The following RFC5 variants were observed in gnomAD, a reference collection of about 807,000 sequenced individuals.
RFC5 encodes replication factor C subunit 5.
In RFC5, 26 loss-of-function variants were observed where a neutral mutation model predicts 44.3. That is an observed-to-expected ratio of 0.59 (90% CI 0.43 to 0.81). The LOEUF (loss-of-function observed/expected upper bound fraction) is 0.81. RFC5 is among the 40% of genes least tolerant of loss of function. RFC5 has a pLI of 0.00. For synonymous variants in RFC5, 155 were observed against 155.2 expected (o/e 1.00, Z 0.01); for missense variants, 328 against 418.6 (o/e 0.78, Z 1.89).
chr12:118,022,653 T>C (rs1361174954), intron 5 of RFC5, among the ~76,000 whole-genome samples: 2 of 151,950 alleles, frequency 1.3e-5, no homozygotes, highest in South Asian at 2.1e-4. Flanking sequence ...TTAGTAGAGA[T>C]GGGGTTTCAC....
chr12:118,035,869 C>A, downstream of RFC5: 1 of 164,142 alleles, frequency 6.1e-6, no homozygotes, highest in Admixed American at 5.7e-5. Flanking sequence ...GGAAGACACT[C>A]AAAGCTACTT....
At chr12:118,033,259 C>T (rs1052926058), downstream of RFC5, 1 of 152,566 alleles carries the variant, frequency 6.6e-6, no homozygotes, top group East Asian at 1.9e-4. Flanking sequence ...AGTTAAACAG[C>T]AGAGACAGAT....
chr12:118,034,500 G>T, downstream of RFC5: 1 of 1,034,158 alleles, frequency 9.7e-7, no homozygotes, highest in Non-Finnish European at 1.4e-6. Flanking sequence ...GGAAATGGAT[G>T]TAAAATTGTG....
chr12:118,024,576 C>T, intron 5 of RFC5, among the ~76,000 whole-genome samples: 1 of 152,024 alleles, frequency 6.6e-6, no homozygotes, highest in South Asian at 2.1e-4. Flanking sequence ...CAGGCATGTG[C>T]CACCACACCT....
chr12:118,031,070 A>G (rs2031287052), intron 10 of RFC5, 112 bp from the exon 11 acceptor site: 3 of 687,370 alleles, frequency 4.4e-6, no homozygotes, highest in South Asian at 1.8e-5. Flanking sequence ...TGTTCTATCA[A>G]TTCCCATCCC....
the RFC5 span, among the ~76,000 whole-genome samples, chr12:118,040,427 T>C: frequency 6.6e-6 from 1 of 152,006 alleles, no homozygotes; most frequent in Non-Finnish European, 1.5e-5. Context: ...CCTGAGATGG[T>C]GGCAAGCTGC....
chr12:118,030,103 C>T (rs1357018764), intron 10 of RFC5, among the ~76,000 whole-genome samples: 1 of 152,136 alleles, frequency 6.6e-6, no homozygotes, highest in Non-Finnish European at 1.5e-5. Context: ...TGAAAATGCC[C>T]TTGTTATTTG....
intron 6 of RFC5, 175 bp downstream of exon 6, chr12:118,025,185 C>T (rs957086990): frequency 1.9e-6 from 1 of 516,428 alleles, no homozygotes; most frequent in Non-Finnish European, 3.4e-6. Context: ...GTCTCAAGGC[C>T]ATTCCTCATA....
intron 7 of RFC5, among the ~76,000 whole-genome samples, chr12:118,026,029 G>C (rs1205547850): frequency 6.6e-6 from 1 of 152,054 alleles, no homozygotes; most frequent in Admixed American, 6.6e-5. Context: ...TTTTAGTAGA[G>C]ATGGGGTTTC....
downstream of RFC5, chr12:118,035,970 A>AG (rs1566135464): frequency 5.3e-5 from 9 of 168,450 alleles, no homozygotes; most frequent in South Asian, 1.4e-3. Context: ...TGGGAGACTG[A>AG]GGCGGTGGAT....
chr12:118,025,786 T>C lies in RFC5; in HGVS notation c.621T>C (p.Thr207=), dbSNP rs372715527. The change falls in exon 7 of 11, where the codon ACT becomes ACC. Residue 207 remains threonine (T), a synonymous_variant. Coordinates refer to ENST00000454402, the MANE Select transcript of RFC5 (RefSeq NM_007370.7). The part of the protein sequence containing the change: ...ISEDGMKALV[T]LSSGDMRRAL... ...AAGATGGAATGAAAGCACTAGTCAC[T>C]CTTTCCAGTGGAGACATGCGTAGGG... The C allele has an allele frequency of 9.3e-5, 149 of 1,610,144 alleles. No individual in the cohort carries two copies. In the Middle Eastern group the frequency reaches 2.3e-3, roughly 24 times the overall value.
rs192795722 is a variant in RFC5, at chr12:118,031,326, G to C, written c.*48G>C. The C allele has an allele frequency of 1.4e-4, 177 of 1,281,254 alleles. 2 individuals are homozygous for C. The African/African-American group carries it at 2.2e-3, about 16-fold the overall frequency. The allele number at this position is 1,281,254 out of a possible 1,614,324, so 79.4% of individuals were successfully genotyped here. A position where few individuals can be genotyped will look rare whatever the true frequency, so the allele number is the denominator to read the frequency against. The stretch of plus-strand genomic sequence containing the variant: ...TTCTCAGGGCTCAGCAGTGATGGGA[G>C]AACAGAGGACAGTTCCAGGATAAAC... On this transcript the variant is annotated 3_prime_UTR_variant, in exon 11 of 11. Coordinates refer to ENST00000454402, the MANE Select transcript of RFC5 (RefSeq NM_007370.7).
chr12:118,023,268 T>C (rs974796292), intron 5 of RFC5, among the ~76,000 whole-genome samples: 30 of 151,618 alleles, frequency 2.0e-4, no homozygotes, highest in African/African-American at 7.3e-4. Context: ...GCGCAGTTCT[T>C]TTCTCTTAAA....
At chr12:118,018,608 G>GTT (rs369341870) in intron 1 of RFC5, among the ~76,000 whole-genome samples, 2 of 146,394 alleles carry the variant, frequency 1.4e-5, no homozygotes, top group Non-Finnish European at 3.0e-5. Context: ...AAAGGATTCT[G>GTT]TTTTTTTTTT....
rs1406442886 is a variant in RFC5 at position 118,019,679 on chromosome 12, G to A, written c.178G>A (p.Gly60Ser). The change falls in exon 3 of 11, where the codon GGT becomes AGT. Residue 60 changes from glycine to serine, a missense_variant. Gly to Ser is a moderately conservative substitution (Grantham distance 56, BLOSUM62 0). Coordinates refer to ENST00000454402, the MANE Select transcript of RFC5 (RefSeq NM_007370.7). This position sits in a 1 kb window ranked among gnomAD's most constrained non-coding sequence, Gnocchi z 4.2. The stretch of plus-strand genomic sequence containing the variant: ...CCGACTGCCACACTTGCTTCTCTAC[G>A]GTCCCCCAGGGACAGGCAAGACATC... The part of the protein sequence containing the change: ...EDRLPHLLLY[G>S]PPGTGKTSTI... 3.1e-6 allele frequency: 5 copies of A among 1,613,898 alleles called. No homozygotes were observed. The highest frequency in any genetic ancestry group is 1.7e-5 in the Admixed American group (1 of 59,994).
At chr12:118,017,936 A>T (rs1424503542) in intron 1 of RFC5, 16 of 678,420 alleles carry the variant, frequency 2.4e-5, no homozygotes, top group Non-Finnish European at 4.0e-5. Flanking sequence ...AAATTTCATC[A>T]CCCCAAATGG....
chr12:118,027,671 T>TAAAA (rs58896704), intron 8 of RFC5, among the ~76,000 whole-genome samples: 2 of 129,718 alleles, frequency 1.5e-5, no homozygotes, highest in East Asian at 5.4e-4. Flanking sequence ...GATTCCATCT[T>TAAAA]AAAAAAAAAA....
intron 4 of RFC5, 33 bp from the exon 5 acceptor site, chr12:118,022,253 G>T (rs1314004976): frequency 1.9e-6 from 3 of 1,560,730 alleles, no homozygotes; most frequent in Non-Finnish European, 2.7e-6. Flanking sequence ...TGAGATTGAA[G>T]AAATCTTTAG....
chr12:118,022,392 G>T lies in RFC5; in HGVS notation c.421+33G>T, dbSNP rs756850978. On this transcript the variant is annotated intron_variant, in intron 5 of 10. Coordinates refer to ENST00000454402, the MANE Select transcript of RFC5 (RefSeq NM_007370.7). ...GAGGCACTGTGGAGCGTTTGGGCTG[G>T]TGTGCACACTGGAAGGAGAATTAGG... is the stretch of plus-strand genomic sequence containing the variant. 21 of 1,425,876 alleles carry T rather than the reference G, an allele frequency of 1.5e-5. No individual in the cohort carries two copies. In the African/African-American group the frequency reaches 2.9e-4, roughly 20 times the overall value. The allele number at this position is 1,425,876 out of a possible 1,614,324, so 88.3% of individuals were successfully genotyped here.
Sources: allele counts gnomAD v4.1 joint callset (sites outside exome capture counted in the v4.1 genomes callset), GRCh38; gene constraint gnomAD v4.1.1; non-coding constraint Gnocchi (gnomAD v3.1); transcripts MANE v1.5; gene names NCBI Gene and HGNC (gene_info 2026-07-23, HGNC 2026-07-21).